Variants in PDE11A observed in about 807,000 individuals in gnomAD.
PDE11A encodes the protein dual 3',5'-cyclic-AMP and -GMP phosphodiesterase 11A.
In PDE11A, 100 loss-of-function variants were observed where a neutral mutation model predicts 100.5. The ratio of observed to expected loss-of-function variants is 1.00; its 90% CI spans 0.85 to 1.18. PDE11A has a LOEUF of 1.18. Among genes scored for constraint, PDE11A ranks in the 50% most tolerant of loss-of-function variants. PDE11A has a pLI of 0.00. For missense variants in PDE11A, 1,141 were observed against 1,152.6 expected, an observed-to-expected ratio of 0.99 and a Z score of 0.15; for synonymous variants, 381 against 420.8, an observed-to-expected ratio of 0.91 and a Z score of 1.16.
intron 5 of PDE11A, among the ~76,000 whole-genome samples, chr2:177,866,096 G>A (rs190509628): frequency 4.6e-4 from 70 of 152,288 alleles, no homozygotes; most frequent in Non-Finnish European, 6.3e-4. Flanking sequence ...AATAAAAATT[G>A]TTTTGGATAG....
chr2:177,763,322 G>C (rs2082195008), intron 10 of PDE11A, among the ~76,000 whole-genome samples: 1 of 152,204 alleles, frequency 6.6e-6, no homozygotes, highest in Non-Finnish European at 1.5e-5. Flanking sequence ...GCACAGAAGA[G>C]GAGACAGCAT....
At chr2:177,798,921 A>T (rs2082744926) in intron 9 of PDE11A, among the ~76,000 whole-genome samples, 1 of 152,206 alleles carries the variant, frequency 6.6e-6, no homozygotes, top group Admixed American at 6.5e-5. Flanking sequence ...AAAAAAGAGT[A>T]ACTGTACATT....
chr2:177,653,432 C>G (rs1324999392), intron 19 of PDE11A, among the ~76,000 whole-genome samples: 1 of 152,194 alleles, frequency 6.6e-6, no homozygotes, highest in Non-Finnish European at 1.5e-5. Context: ...GATTTCTCAA[C>G]CTCTCTGTCG....
intron 2 of PDE11A, among the ~76,000 whole-genome samples, chr2:177,925,309 A>T (rs1321136259): frequency 6.6e-6 from 1 of 151,988 alleles, no homozygotes; most frequent in Non-Finnish European, 1.5e-5. Flanking sequence ...CTCCACACTG[A>T]CTTCCACAAT....
At chr2:177,822,696 C>A (rs988720735) in intron 6 of PDE11A, among the ~76,000 whole-genome samples, 4 of 151,994 alleles carry the variant, frequency 2.6e-5, no homozygotes, top group Admixed American at 1.3e-4. Context: ...GACACCTTTA[C>A]AAAACTGAGT....
rs2105696808 is a variant in PDE11A, at chr2:177,876,475, G to C, written c.1303-552C>G. Among the ~76,000 whole-genome samples the C allele has an allele frequency of 1.3e-5, 2 of 148,544 alleles. 1 individual carries two copies. Among genetic ancestry groups the C allele is most frequent in the Non-Finnish European group, 3.0e-5 (2 of 67,374 alleles). On this transcript the variant is annotated intron_variant, in intron 4 of 19. Transcript: ENST00000286063. The stretch of plus-strand genomic sequence containing the variant: ...TTCCTCTCTCACCTCTCCAGTGAAA[G>C]TAGCATACCAGTGCGAGAGTTGACC...
At chr2:177,649,755 T>A (rs1452449787) in intron 19 of PDE11A, among the ~76,000 whole-genome samples, 2 of 152,180 alleles carry the variant, frequency 1.3e-5, no homozygotes, top group Non-Finnish European at 2.9e-5. Context: ...AGGAACTGGG[T>A]GACTTGCAAA....
Position 177,849,498 on chromosome 2 carries a change from C to T in PDE11A, c.1368-9115G>A, listed in dbSNP as rs375103529. On this transcript the variant is annotated intron_variant, in intron 5 of 19. Transcript: ENST00000286063. ...GCAACTTCAGCAAAGTCTCAGGATA[C>T]AAAATCAATGTGCAAAAATCACAAG... 3.5e-4 allele frequency among the ~76,000 whole-genome samples: 54 copies of T among 152,248 alleles called. No homozygotes were observed. The East Asian group carries it at 5.8e-3, about 16-fold the overall frequency.
intron 19 of PDE11A, among the ~76,000 whole-genome samples, chr2:177,640,634 T>C (rs2080127977): frequency 6.6e-6 from 1 of 152,222 alleles, no homozygotes; most frequent in Non-Finnish European, 1.5e-5. Flanking sequence ...TTAAGATTAT[T>C]CATGATTTAA....
chr2:178,055,952 A>G (rs1264505363), intron 1 of PDE11A, among the ~76,000 whole-genome samples: 1 of 152,120 alleles, frequency 6.6e-6, no homozygotes, highest in East Asian at 1.9e-4. Flanking sequence ...GCTTTCACAT[A>G]CAAGCCCAGG....
rs183947156 is a variant in PDE11A, at chr2:177,992,475, A to C, written c.1071+21827T>G. 7.9e-4 allele frequency among the ~76,000 whole-genome samples: 121 copies of C among 152,302 alleles called. 5 individuals carry two copies. Among genetic ancestry groups the C allele is most frequent in the African/African-American group, 2.7e-3 (112 of 41,572 alleles). ...AGTTACCAAAATATTTCTACCATTC[A>C]TGCTATTTGCCTCTTCAGTAAGTAT... is the stretch of plus-strand genomic sequence containing the variant. On this transcript the variant is annotated intron_variant, in intron 2 of 19. Transcript: ENST00000286063.
At chr2:177,716,429 T>C (rs1299230041) in intron 12 of PDE11A, among the ~76,000 whole-genome samples, 2 of 152,196 alleles carry the variant, frequency 1.3e-5, no homozygotes, top group Non-Finnish European at 2.9e-5. Flanking sequence ...GTTTCTCTTC[T>C]CTGCTAAGTT....
intron 10 of PDE11A, among the ~76,000 whole-genome samples, chr2:177,730,265 C>T (rs1486048458): frequency 1.3e-5 from 2 of 152,056 alleles, no homozygotes; most frequent in Non-Finnish European, 2.9e-5. Flanking sequence ...TGTGATGTTC[C>T]CCGCCCTGTG....
intron 13 of PDE11A, 148 bp downstream of exon 13, chr2:177,711,621 T>C (rs79855540): frequency 6.1e-6 from 4 of 657,272 alleles, no homozygotes; most frequent in South Asian, 1.8e-5. Context: ...ATTATAAAGA[T>C]GGATGGGCCC....
chr2:177,830,601 A>AAATAATAAT lies in PDE11A; in HGVS notation c.1500+9641_1500+9649dup, dbSNP rs56365605. On this transcript the variant is annotated intron_variant, in intron 6 of 19. Transcript: ENST00000286063. ...GGGAGACAGAGAAAGACTCCATCTC[A>AAATAATAAT]AATAATAATAATAATAATAATAATA... Among the ~76,000 whole-genome samples the AAATAATAAT allele has an allele frequency of 4.4e-3, 623 of 140,010 alleles. 7 individuals are homozygous for AAATAATAAT. Among genetic ancestry groups the AAATAATAAT allele is most frequent in the African/African-American group, 0.015 (566 of 37,608 alleles). 91.9% of individuals were successfully genotyped at this position (140,010 alleles called of 152,430 possible).
chr2:177,923,361 T>TC (rs1201494025), intron 2 of PDE11A, among the ~76,000 whole-genome samples: 1 of 34,930 alleles, frequency 2.9e-5, no homozygotes, highest in Admixed American at 3.7e-4. Flanking sequence ...GCTCTGTCTC[T>TC]CCCCCAGCAA....
At chr2:177,761,531 A>G (rs1311744209) in intron 10 of PDE11A, among the ~76,000 whole-genome samples, 1 of 152,228 alleles carries the variant, frequency 6.6e-6, no homozygotes, top group Non-Finnish European at 1.5e-5. Flanking sequence ...TAAAAATGCA[A>G]CTGCTTTAAT....
intron 2 of PDE11A, among the ~76,000 whole-genome samples, chr2:178,096,514 C>G (rs1013391420): frequency 1.3e-5 from 2 of 151,956 alleles, no homozygotes; most frequent in Non-Finnish European, 2.9e-5. Context: ...TGCAAATTTT[C>G]CAAACTTTTA....
chr2:177,829,468 G>A (rs569865891), intron 6 of PDE11A, among the ~76,000 whole-genome samples: 21 of 151,508 alleles, frequency 1.4e-4, no homozygotes, highest in African/African-American at 4.6e-4. Context: ...TTTTTAAGAT[G>A]GGGTCTCATG....
Sources: gnomAD v4.1 joint callset for allele counts (sites outside exome capture counted in the v4.1 genomes callset) on GRCh38, gnomAD v4.1.1 for gene constraint, MANE v1.5 for transcripts, NCBI Gene and HGNC (gene_info 2026-07-23, HGNC 2026-07-21) for gene names.